RGS7: variants seen among roughly 807,000 people sequenced by gnomAD.
The protein encoded by RGS7 is regulator of G-protein signaling 7.
Under a neutral mutation model 81.1 loss-of-function variants are expected in RGS7, and 27 were observed. The observed-to-expected ratio is 0.33, with a 90% CI of 0.25 to 0.46. The LOEUF is 0.46. Ranked by LOEUF, RGS7 falls within the 20% of genes least tolerant of loss-of-function variation. The pLI, the probability that RGS7 is intolerant of heterozygous loss-of-function variation, is 1.00. For missense variants in RGS7, 396 were observed against 607.4 expected (o/e 0.65, Z 3.66); for synonymous variants, 208 against 207.7 (o/e 1.00, Z -0.01).
At chr1:241,318,105 C>G (rs539293531) in intron 2 of RGS7, among the ~76,000 whole-genome samples, 125 of 152,232 alleles carry the variant, frequency 8.2e-4, no homozygotes, top group African/African-American at 2.3e-3. Context: ...CAGACATATC[C>G]CCTGTCACTC....
intron 2 of RGS7, among the ~76,000 whole-genome samples, chr1:241,189,029 C>T (rs1475118934): frequency 6.6e-6 from 1 of 152,058 alleles, no homozygotes; most frequent in Non-Finnish European, 1.5e-5. Flanking sequence ...GGCTGGTGTT[C>T]AGTGGTGCAG....
chr1:241,218,622 G>C (rs984560138), intron 2 of RGS7, among the ~76,000 whole-genome samples: 13 of 152,034 alleles, frequency 8.6e-5, no homozygotes, highest in African/African-American at 2.9e-4. Context: ...AGACTTAAGT[G>C]GGGGGGTCCC....
At chr1:241,188,519 A>C (rs1365258238) in intron 2 of RGS7, among the ~76,000 whole-genome samples, 6 of 152,192 alleles carry the variant, frequency 3.9e-5, no homozygotes, top group South Asian at 2.1e-4. Flanking sequence ...GTAATAGAAA[A>C]AATATATTTT....
chr1:241,005,245 G>T (rs538889194), intron 3 of RGS7, among the ~76,000 whole-genome samples: 6 of 152,292 alleles, frequency 3.9e-5, no homozygotes, highest in Admixed American at 1.3e-4. Context: ...AAAAGGTATA[G>T]CCCTATTTGA....
chr1:241,152,989 T>C (rs1038740865), intron 2 of RGS7, among the ~76,000 whole-genome samples: 2 of 152,232 alleles, frequency 1.3e-5, no homozygotes, highest in African/African-American at 4.8e-5. Flanking sequence ...TTACTGAATA[T>C]GCCTGGACTG....
chr1:240,862,908 A>C lies in RGS7; in HGVS notation c.609+5679T>G, dbSNP rs551062349. 1.1e-4 allele frequency among the ~76,000 whole-genome samples: 16 copies of C among 150,300 alleles called. No homozygotes were observed. In the East Asian group the frequency reaches 3.1e-3, roughly 29 times the overall value. ...TCTTATCTCTTTTTTTTTACGAATA[A>C]TTTCTGTAAACTAAATATGTGTGTG... On this transcript the variant is annotated intron_variant, in intron 9 of 18. Coordinates refer to ENST00000440928, the MANE Select transcript of RGS7 (RefSeq NM_001364886.1).
chr1:240,859,170 T>C, intron 9 of RGS7, among the ~76,000 whole-genome samples: 1 of 151,948 alleles, frequency 6.6e-6, no homozygotes, highest in East Asian at 1.9e-4. Flanking sequence ...TAATTTACTG[T>C]TTTTTAAATT....
At chr1:240,945,225 C>CT (rs1325197877) in intron 4 of RGS7, among the ~76,000 whole-genome samples, 5 of 152,206 alleles carry the variant, frequency 3.3e-5, no homozygotes, top group Admixed American at 1.3e-4. Context: ...TCCCAATACT[C>CT]TAACACGAAA....
chr1:240,910,090 T>C (rs1181471660), intron 6 of RGS7, among the ~76,000 whole-genome samples: 1 of 152,240 alleles, frequency 6.6e-6, no homozygotes, highest in Non-Finnish European at 1.5e-5. Context: ...CGTGTTTTTA[T>C]ATCTTGTATT....
rs771360493 is a variant in RGS7, at chr1:241,091,872, A to G, written c.175+6794T>C. ...ACTGTGCTCCAGCCTGAATGACAGA[A>G]TGAGACTCTGCCTCAAACAAACAAA... On this transcript the variant is annotated intron_variant, in intron 3 of 18. Transcript: ENST00000440928. Among the ~76,000 whole-genome samples the G allele has an allele frequency of 2.5e-3, 388 of 152,208 alleles. 2 individuals are homozygous for G. Among genetic ancestry groups the G allele is most frequent in the Admixed American group, 3.4e-3 (52 of 15,272 alleles).
intron 10 of RGS7, among the ~76,000 whole-genome samples, chr1:240,818,915 TAA>T (rs139153147): frequency 0.029 from 4,350 of 152,262 alleles, 211 homozygotes; most frequent in African/African-American, 0.099. Flanking sequence ...TCAAAGTAAC[TAA>T]AAGAGAGGAT....
At chr1:241,074,111 G>A (rs1394080022) in intron 3 of RGS7, among the ~76,000 whole-genome samples, 1 of 152,080 alleles carries the variant, frequency 6.6e-6, no homozygotes, top group East Asian at 1.9e-4. Flanking sequence ...ATGTTGGCCA[G>A]GCTGGCAAAC....
At chr1:240,999,224 T>C (rs1013627963) in intron 3 of RGS7, among the ~76,000 whole-genome samples, 2 of 151,558 alleles carry the variant, frequency 1.3e-5, no homozygotes, top group African/African-American at 2.4e-5. Flanking sequence ...GTTTGTAATA[T>C]GCTTAAAGCA....
At chr1:240,920,600 C>T in intron 6 of RGS7, 4 of 1,036,198 alleles carry the variant, frequency 3.9e-6, no homozygotes, top group Admixed American at 1.7e-5. Context: ...ACGGCAGTGG[C>T]AGAAGATTTT....
At chr1:241,187,986 A>C (rs538243149) in intron 2 of RGS7, among the ~76,000 whole-genome samples, 1 of 152,330 alleles carries the variant, frequency 6.6e-6, no homozygotes, top group East Asian at 1.9e-4. Flanking sequence ...AATGGGTACA[A>C]ACATAAAACT....
At chr1:241,139,140 T>C (rs1419395874) in intron 2 of RGS7, among the ~76,000 whole-genome samples, 1 of 152,034 alleles carries the variant, frequency 6.6e-6, no homozygotes, top group Admixed American at 6.6e-5. Flanking sequence ...ATTGTTCCCT[T>C]CCTCATTCAC....
At chr1:240,809,537 G>C (rs1025083255) in intron 14 of RGS7, among the ~76,000 whole-genome samples, 1 of 152,132 alleles carries the variant, frequency 6.6e-6, no homozygotes, top group African/African-American at 2.4e-5. Context: ...CTGGTTTGTA[G>C]GAAACCAAGA....
chr1:241,256,825 A>G (rs2077070687), intron 2 of RGS7, among the ~76,000 whole-genome samples: 1 of 151,892 alleles, frequency 6.6e-6, no homozygotes, highest in Non-Finnish European at 1.5e-5. Context: ...ATTTTAACAC[A>G]TGAGTTTTGG....
chr1:241,135,791 A>AT (rs200380718), intron 2 of RGS7, among the ~76,000 whole-genome samples: 146 of 150,262 alleles, frequency 9.7e-4, no homozygotes, highest in Admixed American at 5.8e-3. Context: ...TTTTTTTATT[A>AT]TTTTTTTTTG....
Sources: allele counts gnomAD v4.1 joint callset (sites outside exome capture counted in the v4.1 genomes callset), GRCh38; gene constraint gnomAD v4.1.1; transcripts MANE v1.5; gene names NCBI Gene and HGNC (gene_info 2026-07-23, HGNC 2026-07-21).